The following ZNF81 variants were observed in gnomAD, a reference collection of about 807,000 sequenced individuals.
The protein encoded by ZNF81 is zinc finger protein 81.
In ZNF81, 5 loss-of-function variants were observed where a neutral mutation model predicts 32.3. That is an observed-to-expected ratio of 0.15 (90% CI 0.08 to 0.33). The LOEUF is 0.33. ZNF81 is among the 10% of genes least tolerant of loss of function. The probability of loss-of-function intolerance (pLI) is 1.00; values close to 1 mark genes in which losing one functional copy is unlikely to be tolerated. For synonymous variants in ZNF81, 163 were observed against 166.8 expected, an observed-to-expected ratio of 0.98 and a Z score of 0.17; for missense variants, 379 against 479.8, an observed-to-expected ratio of 0.79 and a Z score of 1.96.
chrX:47,852,285 G>C (rs1195291149), intron 2 of ZNF81, among the ~76,000 whole-genome samples: 3 of 112,050 alleles, frequency 2.7e-5, no homozygotes, highest in African/African-American at 6.5e-5. Flanking sequence ...GGTGGTGGTT[G>C]CTGAACACTG....
rs1442081462 is a variant in ZNF81 at position 47,923,656 on chromosome X, G to C, written c.*7024G>C. ...AACTCAGAGGAATTTCTGAATTCAG[G>C]TGGTGTTACTTCACCATGAAGCAAT... On this transcript the variant is annotated 3_prime_UTR_variant, in exon 5 of 5. Transcript: ENST00000338637. 8.9e-6 allele frequency among the ~76,000 whole-genome samples: 1 copy of C among 112,061 alleles called. No homozygotes were observed. The highest frequency in any genetic ancestry group is 1.9e-5 in the Non-Finnish European group (1 of 53,226).
rs73632363 is a variant in ZNF81, at chrX:47,877,930, G to A, written c.55-10069G>A. ...ATGCCTCATCTGTGATTTCCCACAA[G>A]AGTTCGTCTCAGGCAGCTTACCAAG... On this transcript the variant is annotated intron_variant, in intron 2 of 4. Coordinates refer to ENST00000338637, the MANE Select transcript of ZNF81 (RefSeq NM_007137.5). 8.5e-3 allele frequency among the ~76,000 whole-genome samples: 943 copies of A among 111,505 alleles called. 9 individuals carry two copies. The highest frequency in any genetic ancestry group is 0.03 in the African/African-American group (916 of 30,635).
chrX:47,871,074 C>T (rs1349130545), intron 2 of ZNF81, among the ~76,000 whole-genome samples: 2 of 111,289 alleles, frequency 1.8e-5, no homozygotes, highest in African/African-American at 3.3e-5. Flanking sequence ...GGGTGTCAGC[C>T]GTGTGTTAAC....
In ZNF81 at chrX:47,916,358, C is replaced by T; in HGVS notation, c.1712C>T (p.Thr571Ile). 1 of 1,211,426 alleles carries T rather than the reference C, an allele frequency of 8.3e-7. No individual in the cohort carries two copies. Among genetic ancestry groups the T allele is most frequent in the Non-Finnish European group, 1.1e-6 (1 of 895,435 alleles). Residue 571 changes from threonine to isoleucine, a missense_variant, in exon 5 of 5, where the codon ACA becomes ATA. Thr to Ile is a moderately conservative substitution (Grantham distance 89). This residue lies in a region of ZNF81 where 102 missense variants were observed against 173.2 expected (regional missense o/e 0.59). Transcript: ENST00000338637. ...TTCATCCAGAAGTCAGAGTTGATTA[C>T]ACATCAGAGAATTCATACTACAGAG... ...RAFIQKSELI[T>I]HQRIHTTEKP... is the part of the protein sequence containing the mutation.
At position 47,918,258 on chromosome X, in the gene ZNF81, G is replaced by A. The variant is rs976042830; in HGVS notation, c.*1626G>A. ...TGCTTTCACATCACTAGTCTCTCCA[G>A]CTATCTAACTATTCGCAAGGTAAAA... On this transcript the variant is annotated 3_prime_UTR_variant, in exon 5 of 5. Transcript: ENST00000338637. 3.6e-5 allele frequency: 4 copies of A among 111,674 alleles called. No homozygotes were observed. Among genetic ancestry groups the A allele is most frequent in the African/African-American group, 9.8e-5 (3 of 30,730 alleles). The allele number at this position is 111,674 out of a possible 1,213,427, so 9.2% of individuals were successfully genotyped here.
rs2058752654 is a variant in ZNF81, at chrX:47,915,314, A to G, written c.668A>G (p.His223Arg). The change falls in exon 5 of 5, where the codon CAT (histidine) becomes CGT (arginine). Residue 223 changes from histidine (H) to arginine (R), a missense_variant. This residue lies in a region of ZNF81 where 277 missense variants were observed against 306.6 expected (regional missense o/e 0.90). Coordinates refer to ENST00000338637, the MANE Select transcript of ZNF81 (RefSeq NM_007137.5). ...AAKNLDKTIG[H>R]GQVFTQNSSY... ...AAGAACCTGGATAAAACTATTGGGC[A>G]TGGTCAAGTTTTTACCCAGAACTCT... 2 of 1,210,044 alleles carry G rather than the reference A, an allele frequency of 1.7e-6. No individual in the cohort carries two copies. The highest frequency in any genetic ancestry group is 1.8e-5 in the South Asian group (1 of 56,868).
chrX:47,892,575 G>A (rs190068305), intron 3 of ZNF81, among the ~76,000 whole-genome samples: 1 of 111,840 alleles, frequency 8.9e-6, no homozygotes, highest in Admixed American at 9.4e-5. Flanking sequence ...TCCATGTTTA[G>A]CCAACCAGCC....
In ZNF81 at chrX:47,916,803, TA is replaced by T. The variant is rs781900721; in HGVS notation, c.*176del. On this transcript the variant is annotated 3_prime_UTR_variant, in exon 5 of 5. Transcript: ENST00000338637. ...AAAAATTATTCAGAAGAAACTCTCT[TA>T]AAAATGCATTGAAGGAGAGAGAATT... 34 of 459,940 alleles carry T rather than the reference TA, an allele frequency of 7.4e-5. No individual in the cohort carries two copies. In the East Asian group the frequency reaches 1.4e-3, roughly 18 times the overall value. 37.9% of individuals were successfully genotyped at this position (459,940 alleles called of 1,213,427 possible).
At chrX:47,892,557 C>G (rs1358473905) in intron 3 of ZNF81, among the ~76,000 whole-genome samples, 3 of 112,052 alleles carry the variant, frequency 2.7e-5, no homozygotes, top group Non-Finnish European at 3.8e-5. Flanking sequence ...GTGTAGGCCA[C>G]CTTTTGGTCC....
In ZNF81 at chrX:47,923,185, T is replaced by G. The variant is rs782229274; in HGVS notation, c.*6553T>G. Among the ~76,000 whole-genome samples, 3 of 102,066 alleles carry G rather than the reference T, an allele frequency of 2.9e-5. No individual in the cohort carries two copies. In the South Asian group the frequency reaches 1.3e-3, roughly 43 times the overall value. 88.6% of individuals were successfully genotyped at this position (102,066 alleles called of 115,157 possible). On this transcript the variant is annotated 3_prime_UTR_variant, in exon 5 of 5. Coordinates refer to ENST00000338637, the MANE Select transcript of ZNF81 (RefSeq NM_007137.5). ...ATATTGTGTAGAGCTCTTAGAACTA[T>G]GCATGGAGAGAATTTCTTAATGGGT... is the stretch of plus-strand genomic sequence containing the variant.
At chrX:47,888,301 C>G (rs1556886109) in intron 3 of ZNF81, 176 bp downstream of exon 3, 13 of 641,209 alleles carry the variant, frequency 2.0e-5, no homozygotes, top group Non-Finnish European at 1.4e-5. Flanking sequence ...GGGCTTTAAT[C>G]TAATATAATT....
chrX:47,904,392 A>T (rs1160641439), intron 4 of ZNF81, among the ~76,000 whole-genome samples: 6 of 105,086 alleles, frequency 5.7e-5, no homozygotes, highest in Admixed American at 2.1e-4. Flanking sequence ...CCCATCAAAA[A>T]GTGGGCAAAG....
chrX:47,876,535 T>G (rs1489999900), intron 2 of ZNF81, among the ~76,000 whole-genome samples: 2 of 111,630 alleles, frequency 1.8e-5, no homozygotes, highest in Non-Finnish European at 3.8e-5. Context: ...CGTGTCCAGG[T>G]CAAGAGCAGT....
intron 4 of ZNF81, among the ~76,000 whole-genome samples, chrX:47,898,117 T>C (rs1436731229): frequency 9.0e-6 from 1 of 111,341 alleles, no homozygotes; most frequent in Non-Finnish European, 1.9e-5. Flanking sequence ...GTCAGAAGGC[T>C]AGGCAGATTT....
In ZNF81 at chrX:47,915,658, G is replaced by T. The variant is rs1000227935; in HGVS notation, c.1012G>T (p.Ala338Ser). ...CTACATATGTACTAAATGTGGGAAG[G>T]CCTTCATCCAGAATTCAGAATTAAT... ...KLYICTKCGK[A>S]FIQNSELIMH... is the part of the protein sequence containing the mutation. The change falls in exon 5 of 5, where the codon GCC becomes TCC. Residue 338 changes from alanine to serine, a missense_variant. By Grantham distance (99) the Ala-to-Ser change is moderately conservative (BLOSUM62 1). Coordinates refer to ENST00000338637, the MANE Select transcript of ZNF81 (RefSeq NM_007137.5). 3 of 1,210,026 alleles carry T rather than the reference G, an allele frequency of 2.5e-6. No homozygotes were observed. Among genetic ancestry groups the T allele is most frequent in the Non-Finnish European group, 3.4e-6 (3 of 894,698 alleles).
chrX:47,885,685 G>A lies in ZNF81; in HGVS notation c.55-2314G>A, dbSNP rs188458836. ...CCTCACGTGGTGGAAAGTGTGGAAGGTCAAAAAGGAAGGATGTAGCTAGTT... is the reference window on the plus strand; with the variant it reads ...CCTCACGTGGTGGAAAGTGTGGAAGATCAAAAAGGAAGGATGTAGCTAGTT... On this transcript the variant is annotated intron_variant, in intron 2 of 4. Coordinates refer to ENST00000338637, the MANE Select transcript of ZNF81 (RefSeq NM_007137.5). 2.9e-4 allele frequency among the ~76,000 whole-genome samples: 32 copies of A among 111,402 alleles called. 1 individual carries two copies. The highest frequency in any genetic ancestry group is 5.1e-4 in the Non-Finnish European group (27 of 53,065).
chrX:47,905,449 A>G (rs1180997076), intron 4 of ZNF81, among the ~76,000 whole-genome samples: 2 of 106,884 alleles, frequency 1.9e-5, no homozygotes, highest in Non-Finnish European at 3.9e-5. Flanking sequence ...TGTGAGATGA[A>G]ACTGAAGCAC....
At chrX:47,881,663 C>T (rs2058621152) in intron 2 of ZNF81, among the ~76,000 whole-genome samples, 1 of 112,269 alleles carries the variant, frequency 8.9e-6, no homozygotes, top group South Asian at 3.7e-4. Flanking sequence ...TCCCCAAGAG[C>T]CAATTTAAAC....
intron 2 of ZNF81, among the ~76,000 whole-genome samples, chrX:47,881,959 T>A (rs1216783238): frequency 1.8e-5 from 2 of 111,018 alleles, no homozygotes; most frequent in Non-Finnish European, 3.8e-5. Flanking sequence ...AATTTTTTTT[T>A]AGAGGTGGGG....
Sources: allele counts gnomAD v4.1 joint callset (sites outside exome capture counted in the v4.1 genomes callset), GRCh38; gene constraint gnomAD v4.1.1; regional missense constraint gnomAD v4.1.1; transcripts MANE v1.5; gene names NCBI Gene and HGNC (gene_info 2026-07-23, HGNC 2026-07-21).